The following KCTD1 variants were observed in gnomAD, a reference collection of about 807,000 sequenced individuals.
KCTD1 encodes the protein potassium channel tetramerization domain containing 1.
In KCTD1, 24 loss-of-function variants were observed where a neutral mutation model predicts 66.0. That is an observed-to-expected ratio of 0.36 (90% CI 0.26 to 0.51). The LOEUF (loss-of-function observed/expected upper bound fraction) is 0.51, where lower values mean the gene tolerates loss of function less well. KCTD1 is among the 20% of genes least tolerant of loss of function. The pLI is 0.95. For synonymous variants in KCTD1, 511 were observed against 517.2 expected, an observed-to-expected ratio of 0.99 and a Z score of 0.16; for missense variants, 943 against 1,205.2, an observed-to-expected ratio of 0.78 and a Z score of 3.22.
At chr18:26,495,072 T>A (rs878948081) in intron 2 of KCTD1, among the ~76,000 whole-genome samples, 1 of 152,162 alleles carries the variant, frequency 6.6e-6, no homozygotes, top group Admixed American at 6.5e-5. Context: ...ATGCAGTGAT[T>A]CCGAAAGCAA....
At chr18:26,626,752 G>A (rs1987511080) in intron 1 of KCTD1, among the ~76,000 whole-genome samples, 1 of 152,120 alleles carries the variant, frequency 6.6e-6, no homozygotes, top group African/African-American at 2.4e-5. Flanking sequence ...TGGGAATATA[G>A]ACACGAGTCC....
At chr18:26,531,057 G>T (rs1273456748) in intron 1 of KCTD1, among the ~76,000 whole-genome samples, 1 of 152,192 alleles carries the variant, frequency 6.6e-6, no homozygotes, top group African/African-American at 2.4e-5. Flanking sequence ...CCATGTCCCT[G>T]CCTTTGAGGA....
chr18:26,467,416 G>A (rs1404287195), intron 3 of KCTD1, among the ~76,000 whole-genome samples: 6 of 152,142 alleles, frequency 3.9e-5, no homozygotes, highest in African/African-American at 7.2e-5. Context: ...CTTCGGGGGC[G>A]CTGAGCGGGG....
chr18:26,604,543 C>G (rs1471324947), intron 1 of KCTD1, among the ~76,000 whole-genome samples: 1 of 152,090 alleles, frequency 6.6e-6, no homozygotes. Context: ...ACATATACAC[C>G]ATGGAATACT....
At chr18:26,506,931 C>A (rs1490610865) in intron 1 of KCTD1, among the ~76,000 whole-genome samples, 9 of 152,080 alleles carry the variant, frequency 5.9e-5, no homozygotes, top group Non-Finnish European at 1.0e-4. Flanking sequence ...TTTGGGAGGC[C>A]GAGGCGGGCA....
intron 1 of KCTD1, among the ~76,000 whole-genome samples, chr18:26,554,346 A>G (rs182573794): frequency 0.024 from 3,070 of 129,046 alleles, 115 homozygotes; most frequent in African/African-American, 0.097. Context: ...GGAAACTTGG[A>G]AAGGCAGAAT....
Position 26,495,802 on chromosome 18 carries a change from T to C in KCTD1, c.1988+5270A>G, listed in dbSNP as rs145143924. Among the ~76,000 whole-genome samples, 600 of 152,268 alleles carry C rather than the reference T, an allele frequency of 3.9e-3. 4 individuals are homozygous for C. The highest frequency in any genetic ancestry group is 0.014 in the African/African-American group (576 of 41,546). On this transcript the variant is annotated intron_variant, in intron 2 of 4. Transcript: ENST00000580059. Reference sequence around the variant, plus strand: ...AGACCCTTGTCTTATTACCACTTGATAGTAATAACCTATTACACTTGATAG... The same window carrying C: ...AGACCCTTGTCTTATTACCACTTGACAGTAATAACCTATTACACTTGATAG...
At chr18:26,456,921 A>AACTT (rs1980117416) in intron 4 of KCTD1, 1 of 151,600 alleles carries the variant, frequency 6.6e-6, no homozygotes, top group Non-Finnish European at 1.5e-5. Flanking sequence ...ATTCAATCAT[A>AACTT]ACTTAAAAAA....
intron 1 of KCTD1, among the ~76,000 whole-genome samples, chr18:26,646,084 T>C (rs1235023056): frequency 6.6e-6 from 1 of 152,224 alleles, no homozygotes; most frequent in Non-Finnish European, 1.5e-5. Flanking sequence ...AAGAAAAATA[T>C]GAGTCCAATA....
chr18:26,532,622 C>G (rs1392853175), intron 1 of KCTD1, among the ~76,000 whole-genome samples: 1 of 152,220 alleles, frequency 6.6e-6, no homozygotes, highest in Non-Finnish European at 1.5e-5. Context: ...CCGCCATCTC[C>G]TCACCTGTGA....
chr18:26,599,833 C>T (rs1986848921), intron 1 of KCTD1: 13 of 1,558,102 alleles, frequency 8.3e-6, no homozygotes, highest in Non-Finnish European at 9.7e-6. Context: ...ACAGTCTGTT[C>T]GAGAACACCT....
At chr18:26,562,236 C>G (rs1168507261) in intron 1 of KCTD1, among the ~76,000 whole-genome samples, 1 of 152,054 alleles carries the variant, frequency 6.6e-6, no homozygotes, top group East Asian at 1.9e-4. Flanking sequence ...CCAATTGTGT[C>G]TCAAGATTTG....
intron 1 of KCTD1, among the ~76,000 whole-genome samples, chr18:26,588,298 G>A (rs1220230802): frequency 9.2e-6 from 1 of 108,488 alleles, no homozygotes; most frequent in Non-Finnish European, 2.0e-5. Flanking sequence ...AAGAGGGAAA[G>A]GAAGGGAAGG....
intron 1 of KCTD1, among the ~76,000 whole-genome samples, chr18:26,514,411 G>A (rs1050376423): frequency 2.4e-4 from 37 of 152,014 alleles, no homozygotes; most frequent in African/African-American, 8.4e-4. Flanking sequence ...AACTGGCTGG[G>A]CGTAGTGGTC....
intron 2 of KCTD1, among the ~76,000 whole-genome samples, chr18:26,480,010 G>C (rs1981551697): frequency 6.6e-6 from 1 of 150,420 alleles, no homozygotes; most frequent in Non-Finnish European, 1.5e-5. Context: ...AGACCAAGCT[G>C]GCTCCAGACG....
chr18:26,583,074 T>TA (rs141547389), intron 1 of KCTD1, among the ~76,000 whole-genome samples: 22,907 of 151,404 alleles, frequency 0.15, 1,779 homozygotes, highest in East Asian at 0.26. Context: ...GATGGTAATT[T>TA]AAAAAAAATA....
At chr18:26,611,610 CA>C (rs1451081635) in intron 1 of KCTD1, among the ~76,000 whole-genome samples, 1 of 152,176 alleles carries the variant, frequency 6.6e-6, no homozygotes, top group Non-Finnish European at 1.5e-5. Flanking sequence ...CTTGGCCTCC[CA>C]AAATGTTGAG....
intron 1 of KCTD1, among the ~76,000 whole-genome samples, chr18:26,616,641 T>G (rs1987261289): frequency 6.6e-6 from 1 of 151,810 alleles, no homozygotes; most frequent in Non-Finnish European, 1.5e-5. Context: ...GGCTTCAGCC[T>G]CTTGAGTGGC....
chr18:26,518,033 G>C (rs758231936), intron 1 of KCTD1, among the ~76,000 whole-genome samples: 2 of 152,218 alleles, frequency 1.3e-5, no homozygotes, highest in African/African-American at 4.8e-5. Flanking sequence ...TCTACCTGCA[G>C]GCTCTGCAGG....
Sources: gnomAD v4.1 joint callset for allele counts (sites outside exome capture counted in the v4.1 genomes callset) on GRCh38, gnomAD v4.1.1 for gene constraint, MANE v1.5 for transcripts, NCBI Gene and HGNC (gene_info 2026-07-23, HGNC 2026-07-21) for gene names.